Variants in TMC6 observed in about 807,000 individuals in gnomAD.
TMC6 encodes the protein transmembrane channel-like protein 6.
Under a neutral mutation model 95.4 loss-of-function variants are expected in TMC6, and 71 were observed. The observed-to-expected ratio is 0.74, with a 90% CI of 0.61 to 0.91. The LOEUF (loss-of-function observed/expected upper bound fraction) is 0.91, where lower values mean the gene tolerates loss of function less well. Among genes scored for constraint, TMC6 ranks in the 40% least tolerant of loss-of-function variants. The probability of loss-of-function intolerance (pLI) is 0.00; values close to 1 mark genes in which losing one functional copy is unlikely to be tolerated. For missense variants in TMC6, 1,074 were observed against 1,079.1 expected, an observed-to-expected ratio of 1.00 and a Z score of 0.07; for synonymous variants, 514 against 483.1, an observed-to-expected ratio of 1.06 and a Z score of -0.84.
At chr17:78,119,679 G>C (rs2074312634) in intron 13 of TMC6, 1 of 476,404 alleles carries the variant, frequency 2.1e-6, no homozygotes, top group Non-Finnish European at 3.9e-6. Flanking sequence ...CTGTTGTCCG[G>C]GCTGGAGCAC....
At chr17:78,123,601 G>A (rs1468893636) in intron 9 of TMC6, among the ~76,000 whole-genome samples, 4 of 113,260 alleles carry the variant, frequency 3.5e-5, no homozygotes, top group Non-Finnish European at 5.9e-5. Flanking sequence ...GGATGGGTGG[G>A]TGAATGGATG....
chr17:78,119,216 G>C, intron 14 of TMC6, 81 bp downstream of exon 14: 1 of 1,571,214 alleles, frequency 6.4e-7, no homozygotes, highest in Non-Finnish European at 8.8e-7. Context: ...GGCCCCAGGG[G>C]GAGGCAGGTA....
chr17:78,119,383 G>A lies in TMC6; in HGVS notation c.1725C>T (p.Ser575=), dbSNP rs765699601. 3.2e-5 allele frequency: 51 copies of A among 1,613,130 alleles called. No individual in the cohort carries two copies. Among genetic ancestry groups the A allele is most frequent in the African/African-American group, 6.7e-5 (5 of 74,858 alleles). ...TCCGCCTCCTCTTCAGCTTCTTCTC[G>A]GAGATAATCCTGCCTCCGAGGACCC... ...LFGELVWRII[S]EKKLKRRRKP... Residue 575 remains serine (S), a synonymous_variant, in exon 14 of 20, where the codon TCC becomes TCT. Transcript: ENST00000590602.
chr17:78,113,138 C>T lies in TMC6; in HGVS notation c.*10G>A, dbSNP rs758174676. On this transcript the variant is annotated 3_prime_UTR_variant, in exon 20 of 20. Transcript: ENST00000590602. ...TGCTGGGCGGGCCCGTGAGGCCCATCGCCGTCCCCCTAGGCATCCTGTTCA... is the reference window on the plus strand; with the variant it reads ...TGCTGGGCGGGCCCGTGAGGCCCATTGCCGTCCCCCTAGGCATCCTGTTCA... The T allele has an allele frequency of 5.2e-6, 8 of 1,552,204 alleles. No individual in the cohort carries two copies. The South Asian group carries it at 7.1e-5, about 14-fold the overall frequency.
chr17:78,115,554 A>G (rs1194671438), intron 18 of TMC6, among the ~76,000 whole-genome samples: 2 of 152,040 alleles, frequency 1.3e-5, no homozygotes, highest in East Asian at 3.9e-4. Context: ...GCCCGGGGGG[A>G]AAGTGCCTTG....
At chr17:78,115,976 G>A (rs115286715) in intron 18 of TMC6, among the ~76,000 whole-genome samples, 2,254 of 149,766 alleles carry the variant, frequency 0.015, 79 homozygotes, top group African/African-American at 0.032. Context: ...CTGCCTCTCC[G>A]GTATGGGGTC....
At chr17:78,124,392 T>A in intron 8 of TMC6, 132 bp downstream of exon 8, 3 of 1,456,534 alleles carry the variant, frequency 2.1e-6, no homozygotes, top group Non-Finnish European at 2.8e-6. Context: ...GGCGGGGAGC[T>A]GGCTGTGGCC....
At position 78,119,396 on chromosome 17, in the gene TMC6, C is replaced by T. The variant is rs780412001; in HGVS notation, c.1716-4G>A. 1.9e-6 allele frequency: 3 copies of T among 1,612,156 alleles called. No homozygotes were observed. The highest frequency in any genetic ancestry group is 2.7e-5 in the African/African-American group (2 of 74,730). On this transcript the variant is annotated splice_region_variant and splice_polypyrimidine_tract_variant and intron_variant, in intron 13 of 19. Transcript: ENST00000590602. ...CAGCTTCTTCTCGGAGATAATCCTG[C>T]CTCCGAGGACCCCGGATCGTTAGAT... is the stretch of plus-strand genomic sequence containing the variant.
In TMC6 at chr17:78,121,030, C is replaced by A; in HGVS notation, c.1518G>T (p.Val506=). 1.9e-6 allele frequency: 3 copies of A among 1,613,384 alleles called. No individual in the cohort carries two copies. The highest frequency in any genetic ancestry group is 2.5e-6 in the Non-Finnish European group (3 of 1,180,018). Residue 506 remains valine, a synonymous_variant, in exon 12 of 20, where the codon GTG becomes GTT. Coordinates refer to ENST00000590602, the MANE Select transcript of TMC6 (RefSeq NM_001127198.5). This position sits in a 1 kb window ranked among gnomAD's most constrained non-coding sequence, Gnocchi z 5.6. The part of the protein sequence containing the change: ...LEPHDSPVLE[V]YVAICRNLIL... Reference sequence around the variant, plus strand: ...CCACACACCTGCAGATGGCCACGTACACCTCCAGTACCGGGGAGTCATGCG... The same window carrying A: ...CCACACACCTGCAGATGGCCACGTAAACCTCCAGTACCGGGGAGTCATGCG...
rs796364458 is a variant in TMC6 at position 78,113,750 on chromosome 17, TAAA to T, written c.2278-129_2278-127del. On this transcript the variant is annotated intron_variant, in intron 18 of 19. Transcript: ENST00000590602. ...TTCAACATCGCAAGCAGCAAAAACATAAAAGAAAAGGTGAAAGGGCCACCAAAC... is the reference window on the plus strand; with the variant it reads ...TTCAACATCGCAAGCAGCAAAAACATAGAAAAGGTGAAAGGGCCACCAAAC... The T allele has an allele frequency of 1.2e-5, 12 of 1,009,354 alleles. No individual in the cohort carries two copies. In the African/African-American group the frequency reaches 1.7e-4, roughly 15 times the overall value. 62.5% of individuals were successfully genotyped at this position (1,009,354 alleles called of 1,614,324 possible).
At position 78,127,897 on chromosome 17, in the gene TMC6, G is replaced by A. The variant is rs1314602048; in HGVS notation, c.-75+715C>T. On this transcript the variant is annotated intron_variant, in intron 1 of 19. Transcript: ENST00000590602. ...CCACACCACCCCCTCCCTCCAGCAG[G>A]AGCAAAGACGTGGGAAAACCAGCCC... 5.3e-5 allele frequency among the ~76,000 whole-genome samples: 8 copies of A among 152,278 alleles called. No individual in the cohort carries two copies. The East Asian group carries it at 1.5e-3, about 29-fold the overall frequency.
chr17:78,118,915 C>T, intron 15 of TMC6, 56 bp downstream of exon 15: 3 of 1,535,240 alleles, frequency 2.0e-6, no homozygotes, highest in Non-Finnish European at 2.7e-6. Context: ...CTGAGTCCTG[C>T]CCCCACTGCC....
intron 9 of TMC6, among the ~76,000 whole-genome samples, chr17:78,123,291 G>T (rs976960249): frequency 6.6e-6 from 1 of 152,218 alleles, no homozygotes; most frequent in Non-Finnish European, 1.5e-5. Context: ...TTACCATCCT[G>T]CCCTGAGCTG....
chr17:78,125,550 C>T (rs934764362), intron 5 of TMC6, among the ~76,000 whole-genome samples, 176 bp downstream of exon 5: 5 of 152,278 alleles, frequency 3.3e-5, no homozygotes, highest in African/African-American at 1.2e-4. Flanking sequence ...ACCCCCACTT[C>T]CCTGTCCCCG....
At position 78,121,842 on chromosome 17, in the gene TMC6, C is replaced by A; in HGVS notation, c.1228-131G>T. ...TTGAACCAGGACAGAGGGCCAGTTC[C>A]CCATGCCCCACCTGCCCTTTCATCT... On this transcript the variant is annotated intron_variant, in intron 10 of 19. Transcript: ENST00000590602. The surrounding 1 kb of genome is among the most constrained non-coding windows in gnomAD (Gnocchi z 5.6). 1 of 1,213,610 alleles carries A rather than the reference C, an allele frequency of 8.2e-7. No individual in the cohort carries two copies. The highest frequency in any genetic ancestry group is 1.1e-6 in the Non-Finnish European group (1 of 887,344). The allele number at this position is 1,213,610 out of a possible 1,614,324, so 75.2% of individuals were successfully genotyped here.
chr17:78,120,516 A>G, intron 13 of TMC6, 137 bp downstream of exon 13: 8 of 1,342,048 alleles, frequency 6.0e-6, no homozygotes, highest in Non-Finnish European at 8.6e-6. Flanking sequence ...GTTCGGTTCT[A>G]TTTCCTGAGT....
Position 78,128,589 on chromosome 17 carries a change from G to A in TMC6, c.-75+23C>T, listed in dbSNP as rs2074862310. On this transcript the variant is annotated intron_variant, in intron 1 of 19. Transcript: ENST00000590602. The surrounding 1 kb of genome is among the most constrained non-coding windows in gnomAD (Gnocchi z 4.0). ...AAGCAGCTGGGGCTGGCGGGACCCGGGACCGGGATCGCGGCCGCTCACCTG... is the reference window on the plus strand; with the variant it reads ...AAGCAGCTGGGGCTGGCGGGACCCGAGACCGGGATCGCGGCCGCTCACCTG... 6.6e-6 allele frequency: 1 copy of A among 152,422 alleles called. No individual in the cohort carries two copies. The allele number at this position is 152,422 out of a possible 1,614,324, so 9.4% of individuals were successfully genotyped here.
At position 78,121,789 on chromosome 17, in the gene TMC6, A is replaced by T; in HGVS notation, c.1228-78T>A. 1 of 1,489,274 alleles carries T rather than the reference A, an allele frequency of 6.7e-7. No homozygotes were observed. The highest frequency in any genetic ancestry group is 1.3e-5 in the South Asian group (1 of 77,502). 92.3% of individuals were successfully genotyped at this position (1,489,274 alleles called of 1,614,324 possible). On this transcript the variant is annotated intron_variant, in intron 10 of 19. Coordinates refer to ENST00000590602, the MANE Select transcript of TMC6 (RefSeq NM_001127198.5). This position sits in a 1 kb window ranked among gnomAD's most constrained non-coding sequence, Gnocchi z 5.6. Reference sequence around the variant, plus strand: ...GACGTGCAGACACAGCACAACACACACAACACACATGAGACACACCAGGAG... The same window carrying T: ...GACGTGCAGACACAGCACAACACACTCAACACACATGAGACACACCAGGAG...
rs1384146183 is a variant in TMC6, at chr17:78,114,983, GCCCC to G, written c.2278-1363_2278-1360del. Among the ~76,000 whole-genome samples the G allele has an allele frequency of 4.6e-5, 7 of 152,326 alleles. No individual in the cohort carries two copies. In the South Asian group the frequency reaches 1.0e-3, roughly 23 times the overall value. ...GCCCGGACCCACCTGGCCCTACCTG[GCCCC>G]TGGGGGCTCTGAAATGCCACCCAGT... On this transcript the variant is annotated intron_variant, in intron 18 of 19. Coordinates refer to ENST00000590602, the MANE Select transcript of TMC6 (RefSeq NM_001127198.5).
Sources: gnomAD v4.1 joint callset for allele counts (sites outside exome capture counted in the v4.1 genomes callset) on GRCh38, gnomAD v4.1.1 for gene constraint, Gnocchi (gnomAD v3.1) non-coding constraint, MANE v1.5 for transcripts, NCBI Gene and HGNC (gene_info 2026-07-23, HGNC 2026-07-21) for gene names.